The following ZC3H18 variants were observed in gnomAD, a reference collection of about 807,000 sequenced individuals.
ZC3H18 encodes zinc finger CCCH domain-containing protein 18.
A neutral mutation model predicts 106.1 loss-of-function variants in ZC3H18; 8 were observed. That is an observed-to-expected ratio of 0.08 (90% confidence interval 0.04 to 0.14). ZC3H18 has a LOEUF of 0.14. Among genes scored for constraint, ZC3H18 ranks in the 10% least tolerant of loss-of-function variants. The pLI, the probability that ZC3H18 is intolerant of heterozygous loss-of-function variation, is 1.00. For synonymous variants in ZC3H18, 635 were observed against 522.1 expected, an observed-to-expected ratio of 1.22 and a Z score of -2.95; for missense variants, 1,318 against 1,278.4, an observed-to-expected ratio of 1.03 and a Z score of -0.47.
rs1003003830 is a variant in ZC3H18 at position 88,570,472 on chromosome 16, C to G, written c.-109C>G. 1.3e-5 allele frequency: 2 copies of G among 151,936 alleles called. No homozygotes were observed. Among genetic ancestry groups the G allele is most frequent in the African/African-American group, 4.8e-5 (2 of 41,376 alleles). 9.4% of individuals were successfully genotyped at this position (151,936 alleles called of 1,614,324 possible). A position where few individuals can be genotyped will look rare whatever the true frequency, so the allele number is the denominator to read the frequency against. ...GTTCCGCCCGTGTCGAGCCTGGAGC[C>G]AGAACCTGTGAAGAGCGGAAGGGCC... On this transcript the variant is annotated 5_prime_UTR_variant, in exon 1 of 18. Transcript: ENST00000301011.
rs1323815794 is a variant in ZC3H18 at position 88,631,870 on chromosome 16, G to C, written c.*571G>C. On this transcript the variant is annotated 3_prime_UTR_variant, in exon 18 of 18. Coordinates refer to ENST00000301011, the MANE Select transcript of ZC3H18 (RefSeq NM_144604.4). ...TTTAAAAAGGAAAAAATACAGAAAA[G>C]ACCAAAAAAAGGCCAAGGGTGTTGT... 3.4e-6 allele frequency: 1 copy of C among 292,264 alleles called. No homozygotes were observed. Among genetic ancestry groups the C allele is most frequent in the Non-Finnish European group, 6.7e-6 (1 of 149,284 alleles). 18.1% of individuals were successfully genotyped at this position (292,264 alleles called of 1,614,324 possible). A position where few individuals can be genotyped will look rare whatever the true frequency, so the allele number is the denominator to read the frequency against.
At chr16:88,625,658 T>C in intron 13 of ZC3H18, 1 of 207,510 alleles carries the variant, frequency 4.8e-6, no homozygotes, top group South Asian at 8.2e-5. Flanking sequence ...GGAACCGGCC[T>C]GAGGGGGTGG....
intron 10 of ZC3H18, 155 bp downstream of exon 10, chr16:88,623,499 C>T: frequency 1.0e-6 from 1 of 1,003,682 alleles, no homozygotes; most frequent in African/African-American, 1.6e-5. Flanking sequence ...TGTCCTGTGT[C>T]CCCCACCAAA....
rs189499396 is a variant in ZC3H18, at chr16:88,588,730, C to T, written c.688+2046C>T. 3.9e-5 allele frequency among the ~76,000 whole-genome samples: 6 copies of T among 152,094 alleles called. No individual in the cohort carries two copies. In the East Asian group the frequency reaches 5.8e-4, roughly 15 times the overall value. ...ACCTTGTCTCTACAAAAAATGAAAA[C>T]TTAGCAGGGTTTGGTGGCACGCATG... is the stretch of plus-strand genomic sequence containing the variant. On this transcript the variant is annotated intron_variant, in intron 3 of 17. Coordinates refer to ENST00000301011, the MANE Select transcript of ZC3H18 (RefSeq NM_144604.4).
intron 3 of ZC3H18, among the ~76,000 whole-genome samples, chr16:88,596,177 G>A (rs144104415): frequency 6.6e-6 from 1 of 152,136 alleles, no homozygotes; most frequent in Admixed American, 6.5e-5. Context: ...GCTCTTTGGC[G>A]CTCACTGGTT....
chr16:88,575,394 T>C (rs1178069007), intron 1 of ZC3H18, among the ~76,000 whole-genome samples: 1 of 152,020 alleles, frequency 6.6e-6, no homozygotes, highest in African/African-American at 2.4e-5. Flanking sequence ...TGCCGAGCAG[T>C]GTGACCGTGA....
intron 2 of ZC3H18, among the ~76,000 whole-genome samples, chr16:88,586,369 C>T (rs1314046110): frequency 6.6e-6 from 1 of 152,212 alleles, no homozygotes; most frequent in East Asian, 1.9e-4. Flanking sequence ...GCCCTGTGTG[C>T]TGCACAGTGC....
chr16:88,595,078 G>T (rs886167089), intron 3 of ZC3H18, among the ~76,000 whole-genome samples: 10 of 152,194 alleles, frequency 6.6e-5, no homozygotes, highest in Non-Finnish European at 1.5e-4. Context: ...TTGAACCTGG[G>T]AGGCGGAGGT....
chr16:88,578,767 C>G (rs1477856948), intron 2 of ZC3H18, among the ~76,000 whole-genome samples: 1 of 152,186 alleles, frequency 6.6e-6, no homozygotes, highest in Non-Finnish European at 1.5e-5. Context: ...TCTCAGCTCA[C>G]TACAGCCTCT....
intron 8 of ZC3H18, among the ~76,000 whole-genome samples, chr16:88,619,347 G>A (rs1265821955): frequency 1.3e-5 from 2 of 152,252 alleles, no homozygotes; most frequent in Non-Finnish European, 2.9e-5. Context: ...CCCACACGTG[G>A]TAACATGGAC....
chr16:88,630,762 C>CCT (rs1555539139), intron 17 of ZC3H18, among the ~76,000 whole-genome samples, 181 bp downstream of exon 17: 1 of 111,318 alleles, frequency 9.0e-6, no homozygotes, highest in African/African-American at 3.0e-5. Flanking sequence ...CCCCACCCCC[C>CCT]CCCACACACA....
intron 15 of ZC3H18, among the ~76,000 whole-genome samples, 192 bp downstream of exon 15, chr16:88,628,311 G>A (rs1906443516): frequency 1.3e-5 from 2 of 152,290 alleles, no homozygotes; most frequent in Admixed American, 6.5e-5. Flanking sequence ...AGCATCTGGG[G>A]AGGTTTGGGT....
chr16:88,578,974 C>T (rs962106907), intron 2 of ZC3H18, among the ~76,000 whole-genome samples: 5 of 152,200 alleles, frequency 3.3e-5, no homozygotes, highest in African/African-American at 1.2e-4. Flanking sequence ...AGGCGTGAGG[C>T]ACCACGCCCG....
chr16:88,618,170 C>G (rs893121727), intron 8 of ZC3H18, among the ~76,000 whole-genome samples: 1 of 151,382 alleles, frequency 6.6e-6, no homozygotes, highest in Admixed American at 6.6e-5. Context: ...CCACTCAGGT[C>G]GTCCATTGGA....
Position 88,627,976 on chromosome 16 carries a change from A to G in ZC3H18, c.2326A>G (p.Thr776Ala). 2 of 1,614,166 alleles carry G rather than the reference A, an allele frequency of 1.2e-6. No individual in the cohort carries two copies. Among genetic ancestry groups the G allele is most frequent in the South Asian group, 2.2e-5 (2 of 91,090 alleles). ...GGAAAAGCGGAAAAGGGATTCGTCC[A>G]CACAACCACCCAAATCTGCAAAACC... Reference protein sequence around the residue: ...KEEKRKRDSSTQPPKSAKPPA... With the variant: ...KEEKRKRDSSAQPPKSAKPPA... Residue 776 changes from threonine (T) to alanine (A), a missense_variant, in exon 15 of 18, where the codon ACA becomes GCA. Coordinates refer to ENST00000301011, the MANE Select transcript of ZC3H18 (RefSeq NM_144604.4). This position sits in a 1 kb window ranked among gnomAD's most constrained non-coding sequence, Gnocchi z 4.5.
chr16:88,620,156 A>C (rs1319713025), intron 8 of ZC3H18, among the ~76,000 whole-genome samples: 1 of 152,268 alleles, frequency 6.6e-6, no homozygotes, highest in Non-Finnish European at 1.5e-5. Flanking sequence ...CTCTGAAAAC[A>C]TAAACATTGA....
chr16:88,623,098 G>T, intron 9 of ZC3H18, 121 bp from the exon 10 acceptor site: 1 of 1,420,526 alleles, frequency 7.0e-7, no homozygotes, highest in South Asian at 1.4e-5. Context: ...CGCGTGCGCA[G>T]CTGTGCGCTT....
intron 8 of ZC3H18, among the ~76,000 whole-genome samples, chr16:88,620,039 T>A (rs1905862309): frequency 2.0e-5 from 3 of 152,162 alleles, no homozygotes; most frequent in African/African-American, 7.2e-5. Context: ...GCTGAAGCTG[T>A]GATGTCGCGT....
At chr16:88,600,419 G>GT (rs1904687573) in intron 6 of ZC3H18, among the ~76,000 whole-genome samples, 1 of 151,910 alleles carries the variant, frequency 6.6e-6, no homozygotes, top group African/African-American at 2.4e-5. Context: ...TTGTTTTTTG[G>GT]TTTTTTTTCC....
Sources: allele counts gnomAD v4.1 joint callset (sites outside exome capture counted in the v4.1 genomes callset), GRCh38; gene constraint gnomAD v4.1.1; non-coding constraint Gnocchi (gnomAD v3.1); transcripts MANE v1.5; gene names NCBI Gene and HGNC (gene_info 2026-07-23, HGNC 2026-07-21).